The following PRKG1 variants were observed in gnomAD, a reference collection of about 807,000 sequenced individuals.
PRKG1 encodes the protein protein kinase cGMP-dependent 1, also known as cGMP-dependent protein kinase 1.
Under a neutral mutation model 88.1 loss-of-function variants are expected in PRKG1, and 35 were observed. That is an observed-to-expected ratio of 0.40 (90% CI 0.30 to 0.53). The LOEUF is 0.53. Among genes scored for constraint, PRKG1 ranks in the 20% least tolerant of loss-of-function variants. PRKG1 has a pLI of 0.59. For missense variants in PRKG1, 540 were observed against 839.8 expected, an observed-to-expected ratio of 0.64 and a Z score of 4.41; for synonymous variants, 303 against 292.5, an observed-to-expected ratio of 1.04 and a Z score of -0.37.
At chr10:51,969,622 A>G (rs1843654468) in intron 5 of PRKG1, among the ~76,000 whole-genome samples, 1 of 152,136 alleles carries the variant, frequency 6.6e-6, no homozygotes, top group Non-Finnish European at 1.5e-5. Flanking sequence ...TATATTGTAT[A>G]AGAAAATATG....
intron 2 of PRKG1, among the ~76,000 whole-genome samples, chr10:51,229,745 G>A (rs994140098): frequency 2.0e-5 from 3 of 151,916 alleles, no homozygotes; most frequent in Admixed American, 6.6e-5. Flanking sequence ...CCTGGGAAAC[G>A]TGGCAAAACT....
intron 5 of PRKG1, among the ~76,000 whole-genome samples, chr10:51,969,855 T>G (rs2447651): frequency 6.6e-6 from 1 of 151,940 alleles, no homozygotes; most frequent in African/African-American, 2.4e-5. Flanking sequence ...CTTAAAAAAG[T>G]CCTCTTTATT....
At chr10:51,579,551 T>C (rs78870116) in intron 3 of PRKG1, among the ~76,000 whole-genome samples, 10,519 of 152,192 alleles carry the variant, frequency 0.069, 1,198 homozygotes, top group African/African-American at 0.24. Context: ...CAAAATGTTA[T>C]ATCTTAATTA....
chr10:52,016,727 A>G (rs1845049464), intron 5 of PRKG1, among the ~76,000 whole-genome samples: 1 of 152,224 alleles, frequency 6.6e-6, no homozygotes, highest in Non-Finnish European at 1.5e-5. Flanking sequence ...ACAGTGAAAA[A>G]AAGAGAGTCC....
chr10:51,742,044 C>G (rs1309047253), intron 3 of PRKG1, among the ~76,000 whole-genome samples: 1 of 152,176 alleles, frequency 6.6e-6, no homozygotes, highest in Admixed American at 6.5e-5. Context: ...CACATCCATC[C>G]AAAGCATTTG....
chr10:51,918,348 T>TA (rs1589420641), intron 5 of PRKG1, among the ~76,000 whole-genome samples: 7 of 152,106 alleles, frequency 4.6e-5, no homozygotes, highest in African/African-American at 1.4e-4. Context: ...TTTTTTATTT[T>TA]TTTTTTTGTG....
At chr10:51,819,209 T>C (rs576355745) in intron 4 of PRKG1, among the ~76,000 whole-genome samples, 2 of 151,880 alleles carry the variant, frequency 1.3e-5, no homozygotes, top group South Asian at 2.1e-4. Flanking sequence ...AGAGATCACA[T>C]GGTGAGAGAG....
chr10:52,038,963 A>G (rs1312433985), intron 5 of PRKG1, among the ~76,000 whole-genome samples: 1 of 152,204 alleles, frequency 6.6e-6, no homozygotes, highest in African/African-American at 2.4e-5. Flanking sequence ...GAGGCCGCTT[A>G]CCTGATTTAA....
At chr10:51,800,095 C>A (rs999525949) in intron 3 of PRKG1, among the ~76,000 whole-genome samples, 1 of 151,884 alleles carries the variant, frequency 6.6e-6, no homozygotes, top group African/African-American at 2.4e-5. Flanking sequence ...ATAAAAATAG[C>A]CGCTGTTTCT....
At chr10:52,269,555 G>A (rs1384009179) in intron 10 of PRKG1, among the ~76,000 whole-genome samples, 2 of 152,030 alleles carry the variant, frequency 1.3e-5, no homozygotes, top group Admixed American at 6.6e-5. Context: ...CATGTGTGCA[G>A]GAACAAGACA....
At chr10:52,027,819 C>A (rs777581678) in intron 5 of PRKG1, among the ~76,000 whole-genome samples, 1 of 152,136 alleles carries the variant, frequency 6.6e-6, no homozygotes, top group East Asian at 1.9e-4. Context: ...GACAGAGTCT[C>A]GCTTTGTTGC....
intron 4 of PRKG1, among the ~76,000 whole-genome samples, chr10:51,839,827 G>A (rs938552374): frequency 5.3e-5 from 8 of 152,146 alleles, no homozygotes; most frequent in Non-Finnish European, 1.0e-4. Context: ...GGTAGGTGAG[G>A]AATTGCTCCC....
chr10:51,916,017 G>T (rs1000437225), intron 5 of PRKG1, among the ~76,000 whole-genome samples: 1 of 152,098 alleles, frequency 6.6e-6, no homozygotes, highest in African/African-American at 2.4e-5. Flanking sequence ...ATTGGAAAAT[G>T]GTGTGCCTTC....
intron 2 of PRKG1, among the ~76,000 whole-genome samples, chr10:51,358,817 A>G (rs1280981133): frequency 2.0e-5 from 3 of 151,908 alleles, no homozygotes; most frequent in African/African-American, 7.2e-5. Flanking sequence ...CTGTGTTACC[A>G]TAATGCTGTA....
intron 2 of PRKG1, among the ~76,000 whole-genome samples, chr10:51,254,334 T>C (rs1839502570): frequency 6.6e-6 from 1 of 152,024 alleles, no homozygotes; most frequent in Non-Finnish European, 1.5e-5. Context: ...CATTTTTGCA[T>C]GTTATTGTGA....
chr10:51,125,202 T>TA (rs1231242158), intron 1 of PRKG1, among the ~76,000 whole-genome samples: 2 of 151,972 alleles, frequency 1.3e-5, no homozygotes, highest in Non-Finnish European at 2.9e-5. Context: ...CATGCAGCTG[T>TA]GGTCCCAGCT....
intron 3 of PRKG1, among the ~76,000 whole-genome samples, chr10:51,714,377 C>G (rs545551105): frequency 6.6e-6 from 1 of 151,928 alleles, no homozygotes; most frequent in African/African-American, 2.4e-5. Flanking sequence ...TCCATGTAAA[C>G]ACCATGGGAG....
chr10:51,332,193 C>T (rs1841758471), intron 2 of PRKG1, among the ~76,000 whole-genome samples: 1 of 152,102 alleles, frequency 6.6e-6, no homozygotes, highest in Non-Finnish European at 1.5e-5. Flanking sequence ...TTTTGAAATG[C>T]TTTGAAAATG....
chr10:51,396,102 G>A lies in PRKG1; in HGVS notation c.479-71621G>A, dbSNP rs367608258. On this transcript the variant is annotated intron_variant, in intron 2 of 17. Transcript: ENST00000373980. ...TATCAGTGTTTGATTCTTCAAGGAG[G>A]GGCCTAGCTGCCATGGCTAATGCCT... 1.1e-4 allele frequency among the ~76,000 whole-genome samples: 16 copies of A among 152,254 alleles called. No homozygotes were observed. In the South Asian group the frequency reaches 2.3e-3, roughly 22 times the overall value.
Sources: gnomAD v4.1 joint callset for allele counts (sites outside exome capture counted in the v4.1 genomes callset) on GRCh38, gnomAD v4.1.1 for gene constraint, MANE v1.5 for transcripts, NCBI Gene and HGNC (gene_info 2026-07-23, HGNC 2026-07-21) for gene names.